NEBL: variants seen among roughly 807,000 people sequenced by gnomAD.
The protein encoded by NEBL is LIM and SH3 protein 2.
NEBL carries 122 observed loss-of-function variants against 140.2 expected under a neutral mutation model. The ratio of observed to expected loss-of-function variants is 0.87; its 90% confidence interval spans 0.75 to 1.01. The LOEUF (loss-of-function observed/expected upper bound fraction) is 1.01. Among genes scored for constraint, NEBL ranks in the 50% least tolerant of loss-of-function variants. NEBL has a pLI of 0.00. For synonymous variants in NEBL, 436 were observed against 398.9 expected (o/e 1.09, Z -1.11); for missense variants, 1,365 against 1,231.3 (o/e 1.11, Z -1.62).
intron 3 of NEBL, among the ~76,000 whole-genome samples, chr10:21,218,525 G>A (rs1295829384): frequency 6.6e-6 from 1 of 152,064 alleles, no homozygotes; most frequent in Admixed American, 6.5e-5. Flanking sequence ...ATGCTGTGTG[G>A]TATAATAGAT....
intron 1 of NEBL, among the ~76,000 whole-genome samples, chr10:21,290,960 C>G (rs1334628279): frequency 6.6e-6 from 1 of 152,178 alleles, no homozygotes; most frequent in Non-Finnish European, 1.5e-5. Context: ...TTCATTTCAG[C>G]AGACTGGAAC....
At chr10:21,156,439 T>C (rs1195301141) in intron 2 of NEBL, among the ~76,000 whole-genome samples, 1 of 152,192 alleles carries the variant, frequency 6.6e-6, no homozygotes, top group Non-Finnish European at 1.5e-5. Flanking sequence ...GGAAGAAGAA[T>C]GGTGTTTTCA....
chr10:20,807,992 A>G (rs138736457), intron 26 of NEBL, among the ~76,000 whole-genome samples: 20 of 152,022 alleles, frequency 1.3e-4, no homozygotes, highest in African/African-American at 4.3e-4. Context: ...AAAAAAAAAA[A>G]AAAACCCTCT....
chr10:21,120,945 G>A lies in NEBL; in HGVS notation c.164+51438C>T, dbSNP rs1838544000. Among the ~76,000 whole-genome samples, 3 of 152,280 alleles carry A rather than the reference G, an allele frequency of 2.0e-5. No homozygotes were observed. In the South Asian group the frequency reaches 6.2e-4, roughly 32 times the overall value. On this transcript the variant is annotated intron_variant, in intron 2 of 6. Transcript: ENST00000417816. ...ACCATATTCTTTGTCCCAAGATGAT[G>A]ATGGGATACTGGCACAGGATCTAAA...
chr10:20,942,432 A>C (rs1350764945), intron 4 of NEBL, among the ~76,000 whole-genome samples: 3 of 152,244 alleles, frequency 2.0e-5, no homozygotes, highest in Admixed American at 6.5e-5. Context: ...TTATACAAAA[A>C]TTAATTCAAG....
intron 3 of NEBL, among the ~76,000 whole-genome samples, chr10:21,191,170 C>G (rs1054495672): frequency 6.6e-6 from 1 of 152,190 alleles, no homozygotes; most frequent in Non-Finnish European, 1.5e-5. Context: ...AATTTCCCAC[C>G]TGGGATCTCA....
At chr10:20,972,328 T>A (rs546629795) in intron 3 of NEBL, among the ~76,000 whole-genome samples, 32 of 152,354 alleles carry the variant, frequency 2.1e-4, no homozygotes, top group South Asian at 1.0e-3. Flanking sequence ...TGCAATGGCA[T>A]TATTGATCAG....
chr10:20,997,887 G>A (rs942652339), intron 3 of NEBL, among the ~76,000 whole-genome samples: 9 of 152,072 alleles, frequency 5.9e-5, no homozygotes, highest in Non-Finnish European at 1.2e-4. Flanking sequence ...ACAGAGTGCT[G>A]CTAAAATAAT....
At chr10:21,288,820 G>GTGTGTATATACA (rs1477748950) in intron 1 of NEBL, among the ~76,000 whole-genome samples, 1 of 35,026 alleles carries the variant, frequency 2.9e-5, no homozygotes, top group African/African-American at 9.7e-5. Context: ...GTGTGTGTGT[G>GTGTGTATATACA]TATATATATA....
intron 1 of NEBL, among the ~76,000 whole-genome samples, chr10:21,276,777 C>G (rs1334293201): frequency 6.6e-6 from 1 of 152,006 alleles, no homozygotes; most frequent in Non-Finnish European, 1.5e-5. Flanking sequence ...GAGACCAGCC[C>G]GGCCAACATG....
intron 3 of NEBL, among the ~76,000 whole-genome samples, chr10:21,208,058 G>C (rs910472827): frequency 1.3e-5 from 2 of 152,114 alleles, no homozygotes; most frequent in African/African-American, 4.8e-5. Context: ...ATGATCACAG[G>C]GTGCCAAGTG....
In NEBL at chr10:20,798,915, G is replaced by C. The variant is rs544277205; in HGVS notation, c.2761+9595C>G. Among the ~76,000 whole-genome samples, 17 of 152,200 alleles carry C rather than the reference G, an allele frequency of 1.1e-4. No individual in the cohort carries two copies. In the East Asian group the frequency reaches 1.7e-3, roughly 16 times the overall value. On this transcript the variant is annotated intron_variant, in intron 26 of 27. Coordinates refer to ENST00000377122, the MANE Select transcript of NEBL (RefSeq NM_006393.3). ...CAACTTCACACTCAGAAAAGAAAACGTATGACATTTCTTTCATTCCATTTC... is the reference window on the plus strand; with the variant it reads ...CAACTTCACACTCAGAAAAGAAAACCTATGACATTTCTTTCATTCCATTTC...
intron 2 of NEBL, among the ~76,000 whole-genome samples, chr10:21,090,957 C>A (rs1302928312): frequency 1.3e-5 from 2 of 152,126 alleles, no homozygotes; most frequent in Non-Finnish European, 2.9e-5. Context: ...ACCAAAAATG[C>A]CAATTTTTTC....
At chr10:21,055,504 CACCT>C (rs1479161825) in intron 2 of NEBL, among the ~76,000 whole-genome samples, 1 of 152,128 alleles carries the variant, frequency 6.6e-6, no homozygotes, top group African/African-American at 2.4e-5. Flanking sequence ...AAAACCCACC[CACCT>C]GTTTTGCTAC....
At chr10:20,906,397 C>T (rs965456876) in intron 4 of NEBL, among the ~76,000 whole-genome samples, 1 of 152,108 alleles carries the variant, frequency 6.6e-6, no homozygotes. Flanking sequence ...AAGTTTGGCA[C>T]TTTTAAAACA....
Position 21,092,009 on chromosome 10 carries a change from A to G in NEBL, c.165-71808T>C, listed in dbSNP as rs182787408. ...CCCATAGCTAATTTAACCCTATAACATATCTTTTTCTTCTATTTGTTAAGG... is the reference window on the plus strand; with the variant it reads ...CCCATAGCTAATTTAACCCTATAACGTATCTTTTTCTTCTATTTGTTAAGG... On this transcript the variant is annotated intron_variant, in intron 2 of 6. Transcript: ENST00000417816. Among the ~76,000 whole-genome samples the G allele has an allele frequency of 1.6e-4, 25 of 152,252 alleles. 1 individual carries two copies. The East Asian group carries it at 2.3e-3, about 14-fold the overall frequency.
chr10:21,184,988 G>A (rs985076614), intron 3 of NEBL, among the ~76,000 whole-genome samples: 1 of 152,090 alleles, frequency 6.6e-6, no homozygotes, highest in Non-Finnish European at 1.5e-5. Context: ...TAAAGCATGA[G>A]GGCTTTGTTT....
At chr10:20,943,971 C>T (rs1007114923) in intron 4 of NEBL, among the ~76,000 whole-genome samples, 2 of 152,190 alleles carry the variant, frequency 1.3e-5, no homozygotes, top group African/African-American at 4.8e-5. Context: ...ACGGTCTAGT[C>T]TCTGGTCTGT....
chr10:21,169,066 AAATATATATATATATAT>A lies in NEBL; in HGVS notation c.164+3300_164+3316del, dbSNP rs1394376684. ...TCCGTCTACAAAAAAAAAAAAAAAA[AAATATATATATATATAT>A]ATATATATATATATATATATATATT... On this transcript the variant is annotated intron_variant, in intron 2 of 6. Transcript: ENST00000417816. Among the ~76,000 whole-genome samples, 46 of 50,924 alleles carry A rather than the reference AAATATATATATATATAT, an allele frequency of 9.0e-4. 5 individuals carry two copies. Among genetic ancestry groups the A allele is most frequent in the African/African-American group, 2.3e-3 (28 of 12,182 alleles). The allele number at this position is 50,924 out of a possible 152,430, so 33.4% of individuals were successfully genotyped here. A position where few individuals can be genotyped will look rare whatever the true frequency, so the allele number is the denominator to read the frequency against.
Sources: allele counts gnomAD v4.1 joint callset (sites outside exome capture counted in the v4.1 genomes callset), GRCh38; gene constraint gnomAD v4.1.1; transcripts MANE v1.5; gene names NCBI Gene and HGNC (gene_info 2026-07-23, HGNC 2026-07-21).